The following RBM44 variants were observed in gnomAD, a reference collection of about 807,000 sequenced individuals.
The protein encoded by RBM44 is RNA-binding protein 44.
Under a neutral mutation model 105.1 loss-of-function variants are expected in RBM44, and 66 were observed. The ratio of observed to expected loss-of-function variants is 0.63; its 90% confidence interval spans 0.52 to 0.77. RBM44 has a LOEUF of 0.77. RBM44 is among the 30% of genes least tolerant of loss of function. The pLI is 0.00. For missense variants in RBM44, 1,122 were observed against 1,207.8 expected (o/e 0.93, Z 1.05); for synonymous variants, 365 against 417.6 (o/e 0.87, Z 1.54).
At position 237,842,562 on chromosome 2, in the gene RBM44, AT is replaced by A. The variant is rs2062022359; in HGVS notation, c.*750del. On this transcript the variant is annotated 3_prime_UTR_variant, in exon 16 of 16. Transcript: ENST00000316997. ...TTGTTAGAACAATTTTCAAAGGCTGATTTTATGCCTTATCTGATAGAAATAT... is the reference window on the plus strand; with the variant it reads ...TTGTTAGAACAATTTTCAAAGGCTGATTTATGCCTTATCTGATAGAAATAT... 2 of 152,070 alleles carry A rather than the reference AT, an allele frequency of 1.3e-5. No individual in the cohort carries two copies. 9.4% of individuals were successfully genotyped at this position (152,070 alleles called of 1,614,324 possible).
chr2:237,813,022 G>A (rs2061674702), intron 1 of RBM44, among the ~76,000 whole-genome samples: 2 of 152,072 alleles, frequency 1.3e-5, no homozygotes, highest in South Asian at 4.1e-4. Context: ...ACTCATTTCA[G>A]TGATTTTTAG....
At chr2:237,800,071 G>GTGGC (rs1224802135) in intron 1 of RBM44, among the ~76,000 whole-genome samples, 2 of 152,192 alleles carry the variant, frequency 1.3e-5, no homozygotes, top group Admixed American at 6.5e-5. Context: ...CTTCTCCAGA[G>GTGGC]TGGCTGCACC....
At chr2:237,827,755 T>C (rs2061862715) in intron 12 of RBM44, among the ~76,000 whole-genome samples, 1 of 152,166 alleles carries the variant, frequency 6.6e-6, no homozygotes, top group African/African-American at 2.4e-5. Flanking sequence ...TTTGTATACT[T>C]TATCTTGCTA....
Position 237,841,871 on chromosome 2 carries a change from A to G in RBM44, c.*55A>G, listed in dbSNP as rs891016416. The G allele has an allele frequency of 4.6e-5, 7 of 152,166 alleles. No homozygotes were observed. Among genetic ancestry groups the G allele is most frequent in the Admixed American group, 2.0e-4 (3 of 15,280 alleles). The allele number at this position is 152,166 out of a possible 1,614,324, so 9.4% of individuals were successfully genotyped here. ...TTGGAAAGTGTGTTTCCTCCTTCAG[A>G]GAATGTTCTACAGCACTTAGGAAAA... On this transcript the variant is annotated 3_prime_UTR_variant, in exon 16 of 16. Transcript: ENST00000316997. The surrounding 1 kb of genome is among the most constrained non-coding windows in gnomAD (Gnocchi z 4.5).
chr2:237,824,741 C>T (rs184564281), intron 10 of RBM44, among the ~76,000 whole-genome samples: 2 of 152,248 alleles, frequency 1.3e-5, no homozygotes, highest in Non-Finnish European at 2.9e-5. Flanking sequence ...TGAATAAGAC[C>T]AGCTTCCCAG....
intron 13 of RBM44, among the ~76,000 whole-genome samples, chr2:237,830,352 C>A (rs2061891345): frequency 6.6e-6 from 1 of 152,012 alleles, no homozygotes; most frequent in African/African-American, 2.4e-5. Flanking sequence ...GATTTTAAGT[C>A]CTTTACCAGA....
In RBM44 at chr2:237,817,073, G is replaced by T. The variant is rs13393001; in HGVS notation, c.154G>T (p.Asp52Tyr). Reference protein sequence around the residue: ...CDEVKLTFPDDDWNSSTLEQR... With the variant: ...CDEVKLTFPDYDWNSSTLEQR... ...TGAAGTCAAATTGACTTTTCCTGAT[G>T]ATGACTGGAATTCTTCGACACTAGA... is the stretch of plus-strand genomic sequence containing the variant. Residue 52 changes from aspartate (D) to tyrosine (Y), a missense_variant, in exon 3 of 16, where the codon GAT (aspartate) becomes TAT (tyrosine). By Grantham distance (160) the Asp-to-Tyr change is radical (BLOSUM62 -3). Coordinates refer to ENST00000316997, the MANE Select transcript of RBM44 (RefSeq NM_001080504.3). 122 of 1,599,946 alleles carry T rather than the reference G, an allele frequency of 7.6e-5. 2 individuals are homozygous for T. The Middle Eastern group carries it at 4.5e-3, about 59-fold the overall frequency.
chr2:237,839,083 A>G (rs1472895414), intron 15 of RBM44, among the ~76,000 whole-genome samples: 1 of 152,174 alleles, frequency 6.6e-6, no homozygotes, highest in African/African-American at 2.4e-5. Flanking sequence ...CAAAATCACA[A>G]GTTCCTAGTT....
In RBM44 at chr2:237,842,356, T is replaced by G. The variant is rs529610168; in HGVS notation, c.*540T>G. 6.6e-6 allele frequency: 1 copy of G among 152,274 alleles called. No individual in the cohort carries two copies. The highest frequency in any genetic ancestry group is 6.5e-5 in the Admixed American group (1 of 15,298). 9.4% of individuals were successfully genotyped at this position (152,274 alleles called of 1,614,324 possible). On this transcript the variant is annotated 3_prime_UTR_variant, in exon 16 of 16. Coordinates refer to ENST00000316997, the MANE Select transcript of RBM44 (RefSeq NM_001080504.3). ...TTTTGGAATGTGTATGCTTTCAGGC[T>G]TCCAAGATAATTAAATTACTGTCAT...
intron 13 of RBM44, among the ~76,000 whole-genome samples, chr2:237,829,859 T>A (rs1330631441): frequency 6.6e-6 from 1 of 152,226 alleles, no homozygotes; most frequent in Non-Finnish European, 1.5e-5. Flanking sequence ...AATGTAGTCA[T>A]TGTATTTTCA....
intron 9 of RBM44, among the ~76,000 whole-genome samples, chr2:237,823,846 T>G (rs190573345): frequency 2.6e-5 from 4 of 152,292 alleles, no homozygotes; most frequent in East Asian, 3.9e-4. Context: ...TTGTGTGCAT[T>G]TTTAGCACAT....
In RBM44 at chr2:237,818,986, T is replaced by C; in HGVS notation, c.1736+27T>C. 2.5e-6 allele frequency: 3 copies of C among 1,219,170 alleles called. No homozygotes were observed. Among genetic ancestry groups the C allele is most frequent in the Non-Finnish European group, 3.5e-6 (3 of 864,644 alleles). The allele number at this position is 1,219,170 out of a possible 1,614,324, so 75.5% of individuals were successfully genotyped here. ...TACATCATTTATATATGCTTACAGA[T>C]ACATCTGGAAGAAAAAATCAAAATA... On this transcript the variant is annotated intron_variant, in intron 4 of 15. Coordinates refer to ENST00000316997, the MANE Select transcript of RBM44 (RefSeq NM_001080504.3). The surrounding 1 kb of genome is among the most constrained non-coding windows in gnomAD (Gnocchi z 4.6).
chr2:237,812,480 C>T (rs559906760), intron 1 of RBM44, among the ~76,000 whole-genome samples: 1 of 152,290 alleles, frequency 6.6e-6, no homozygotes, highest in East Asian at 1.9e-4. Flanking sequence ...TACTAAGTGG[C>T]AAAGTCAGGA....
intron 10 of RBM44, among the ~76,000 whole-genome samples, chr2:237,826,342 C>G (rs1411857698): frequency 6.6e-6 from 1 of 151,982 alleles, no homozygotes; most frequent in African/African-American, 2.4e-5. Context: ...GTTTCAGGTT[C>G]TCTTCACAAT....
intron 2 of RBM44, among the ~76,000 whole-genome samples, chr2:237,815,571 A>AT (rs530248177): frequency 6.6e-6 from 1 of 152,008 alleles, no homozygotes; most frequent in Non-Finnish European, 1.5e-5. Context: ...ATTGTGATGA[A>AT]TTTTTTTTAA....
chr2:237,826,069 A>G (rs1023866651), intron 10 of RBM44, among the ~76,000 whole-genome samples: 6 of 152,158 alleles, frequency 3.9e-5, no homozygotes, highest in South Asian at 2.1e-4. Flanking sequence ...TGAGAATTAC[A>G]TGAGATGATG....
intron 15 of RBM44, among the ~76,000 whole-genome samples, chr2:237,835,934 A>T (rs1359007897): frequency 6.6e-6 from 1 of 152,166 alleles, no homozygotes; most frequent in Non-Finnish European, 1.5e-5. Flanking sequence ...CAAAAGTGCA[A>T]TGTGAAGCAG....
At chr2:237,811,090 C>T (rs181945163) in intron 1 of RBM44, among the ~76,000 whole-genome samples, 92 of 152,170 alleles carry the variant, frequency 6.0e-4, no homozygotes, top group African/African-American at 2.0e-3. Flanking sequence ...AATGACAAGA[C>T]GCAAGCTACC....
chr2:237,814,676 T>C (rs2061695575), intron 2 of RBM44, among the ~76,000 whole-genome samples: 1 of 152,070 alleles, frequency 6.6e-6, no homozygotes, highest in African/African-American at 2.4e-5. Flanking sequence ...GTGGAATAAA[T>C]AGAAATAAAT....
Sources: allele counts gnomAD v4.1 joint callset (sites outside exome capture counted in the v4.1 genomes callset), GRCh38; gene constraint gnomAD v4.1.1; non-coding constraint Gnocchi (gnomAD v3.1); transcripts MANE v1.5; gene names NCBI Gene and HGNC (gene_info 2026-07-23, HGNC 2026-07-21).